The following FIP1L1 variants were observed in gnomAD, a reference collection of about 807,000 sequenced individuals.
The protein encoded by FIP1L1 is pre-mRNA 3'-end-processing factor FIP1.
FIP1L1 carries 21 observed loss-of-function variants against 84.6 expected under a neutral mutation model. The observed-to-expected ratio is 0.25, with a 90% confidence interval of 0.18 to 0.36. The LOEUF is 0.36. Ranked by LOEUF, FIP1L1 falls within the 10% of genes least tolerant of loss-of-function variation. FIP1L1 has a pLI of 1.00. For synonymous variants in FIP1L1, 263 were observed against 242.3 expected, an observed-to-expected ratio of 1.09 and a Z score of -0.80; for missense variants, 526 against 751.1, an observed-to-expected ratio of 0.70 and a Z score of 3.50.
chr4:53,459,404 G>A lies in FIP1L1; in HGVS notation c.1740G>A (p.Glu580=), dbSNP rs1460991429. ...RSKEGKEAGS[E]PAPEQESTEA... ...AAGAAGGAAAAGAAGCGGGCAGTGA[G>A]CCTGCCCCTGAACAGGAGAGCACCG... Residue 580 remains glutamate (E), a synonymous_variant, in exon 18 of 18, where the codon GAG becomes GAA. Coordinates refer to ENST00000337488, the MANE Select transcript of FIP1L1 (RefSeq NM_030917.4). 6.2e-6 allele frequency: 10 copies of A among 1,612,390 alleles called. No homozygotes were observed. In the South Asian group the frequency reaches 9.9e-5, roughly 16 times the overall value.
At position 53,418,526 on chromosome 4, in the gene FIP1L1, C is replaced by T. The variant is rs185922634; in HGVS notation, c.923+3804C>T. 2.1e-3 allele frequency among the ~76,000 whole-genome samples: 322 copies of T among 152,206 alleles called. 3 individuals carry two copies. Among genetic ancestry groups the T allele is most frequent in the Middle Eastern group, 6.8e-3 (2 of 294 alleles). ...AATCAAATTTTTAACTCTTGTGAAA[C>T]TAATTAGAAGAGTGAAGCAGTTTCA... On this transcript the variant is annotated intron_variant, in intron 11 of 17. Coordinates refer to ENST00000337488, the MANE Select transcript of FIP1L1 (RefSeq NM_030917.4).
At chr4:53,437,693 G>A (rs1770022671) in intron 13 of FIP1L1, among the ~76,000 whole-genome samples, 1 of 150,470 alleles carries the variant, frequency 6.6e-6, no homozygotes, top group Admixed American at 6.6e-5. Context: ...GCATGTTCAA[G>A]GTAGTTTTTA....
chr4:53,415,364 A>G (rs751762706), intron 11 of FIP1L1, among the ~76,000 whole-genome samples: 3 of 152,174 alleles, frequency 2.0e-5, no homozygotes, highest in Non-Finnish European at 4.4e-5. Context: ...AAGGGATGCA[A>G]TGAGAAACAA....
chr4:53,421,526 C>G (rs1762428243), intron 11 of FIP1L1, among the ~76,000 whole-genome samples: 1 of 152,188 alleles, frequency 6.6e-6, no homozygotes, highest in Non-Finnish European at 1.5e-5. Flanking sequence ...CCATGCAGAA[C>G]TGTTTACAGC....
intron 10 of FIP1L1, among the ~76,000 whole-genome samples, chr4:53,410,248 G>A (rs941165999): frequency 5.9e-5 from 9 of 152,148 alleles, no homozygotes; most frequent in South Asian, 2.1e-4. Flanking sequence ...TTTGATTTTC[G>A]GTCAGCTTAT....
At chr4:53,427,998 CT>C (rs1461582039) in intron 12 of FIP1L1, 28 bp from the exon 13 acceptor site, 1 of 1,507,580 alleles carries the variant, frequency 6.6e-7, no homozygotes. Context: ...ATTTATGCAT[CT>C]GTTTAATTAA....
chr4:53,393,450 G>A (rs57616867), intron 9 of FIP1L1, among the ~76,000 whole-genome samples: 19,786 of 152,154 alleles, frequency 0.13, 2,569 homozygotes, highest in African/African-American at 0.32. Flanking sequence ...TAGTACACAT[G>A]AACCCTTAGG....
chr4:53,445,813 C>T (rs182644146), intron 15 of FIP1L1, among the ~76,000 whole-genome samples: 275 of 152,126 alleles, frequency 1.8e-3, no homozygotes, highest in Non-Finnish European at 2.6e-3. Flanking sequence ...TTAGGGAGGG[C>T]GGGAAGCTTT....
At chr4:53,381,548 ATATAACAGT>A (rs1737883805) in intron 3 of FIP1L1, among the ~76,000 whole-genome samples, 1 of 152,148 alleles carries the variant, frequency 6.6e-6, no homozygotes, top group Non-Finnish European at 1.5e-5. Flanking sequence ...AACAATGAAA[ATATAACAGT>A]TATGTTTTGA....
At chr4:53,405,257 A>T (rs1267494823) in intron 10 of FIP1L1, among the ~76,000 whole-genome samples, 2 of 152,048 alleles carry the variant, frequency 1.3e-5, no homozygotes, top group East Asian at 1.9e-4. Flanking sequence ...ACCATTTATT[A>T]AATAGGGAAT....
intron 9 of FIP1L1, among the ~76,000 whole-genome samples, chr4:53,395,860 A>G (rs1343250066): frequency 2.6e-5 from 4 of 151,904 alleles, no homozygotes; most frequent in African/African-American, 9.7e-5. Context: ...ATGAGCACTC[A>G]TCTTGTGGAT....
intron 13 of FIP1L1, among the ~76,000 whole-genome samples, chr4:53,439,009 G>GT (rs1280685356): frequency 6.6e-6 from 1 of 152,034 alleles, no homozygotes; most frequent in East Asian, 1.9e-4. Flanking sequence ...TTACAAATCT[G>GT]TATCTTATAA....
In FIP1L1 at chr4:53,428,160, C is replaced by G; in HGVS notation, c.1151C>G (p.Ala384Gly). Reference protein sequence around the residue: ...FLPPPPTVSTAPPLIPPPGFP... With the variant: ...FLPPPPTVSTGPPLIPPPGFP... The stretch of plus-strand genomic sequence containing the variant: ...CCACCTCCTCCGACTGTCAGCACTG[C>G]TCCACCTCTGATTCCACCACCGGGT... The change falls in exon 13 of 18, where the codon GCT becomes GGT. Residue 384 changes from alanine (A) to glycine (G), a missense_variant. Ala to Gly is a moderately conservative substitution (Grantham distance 60). Coordinates refer to ENST00000337488, the MANE Select transcript of FIP1L1 (RefSeq NM_030917.4). The G allele has an allele frequency of 1.3e-6, 2 of 1,592,036 alleles. No homozygotes were observed. Among genetic ancestry groups the G allele is most frequent in the Non-Finnish European group, 1.7e-6 (2 of 1,165,724 alleles).
chr4:53,392,737 A>AG (rs748717582), intron 9 of FIP1L1, among the ~76,000 whole-genome samples: 2 of 152,218 alleles, frequency 1.3e-5, no homozygotes, highest in South Asian at 2.1e-4. Context: ...AGAAACTCCT[A>AG]GGGGTCAGTC....
intron 4 of FIP1L1, 75 bp from the exon 5 acceptor site, chr4:53,383,698 C>CT: frequency 7.3e-7 from 1 of 1,369,686 alleles, no homozygotes; most frequent in Non-Finnish European, 9.8e-7. Context: ...AGGGTGGTTA[C>CT]TTTTTTTAGT....
intron 3 of FIP1L1, among the ~76,000 whole-genome samples, chr4:53,381,019 T>A (rs766731125): frequency 5.4e-4 from 83 of 152,330 alleles, no homozygotes; most frequent in Middle Eastern, 3.4e-3. Flanking sequence ...ACCTTCTACC[T>A]TCCCTGAGTG....
intron 5 of FIP1L1, among the ~76,000 whole-genome samples, chr4:53,385,829 C>T (rs1292753405): frequency 2.0e-5 from 3 of 152,000 alleles, no homozygotes; most frequent in East Asian, 3.9e-4. Flanking sequence ...TTATGCATTT[C>T]GAAAGTAAAG....
intron 10 of FIP1L1, among the ~76,000 whole-genome samples, chr4:53,403,599 C>T (rs1751418381): frequency 6.6e-6 from 1 of 152,142 alleles, no homozygotes. Context: ...AGTGTTTTCC[C>T]TGCAAAAAGT....
At position 53,445,320 on chromosome 4, in the gene FIP1L1, T is replaced by G. The variant is rs1579076428; in HGVS notation, c.1285+1217T>G. On this transcript the variant is annotated intron_variant, in intron 15 of 17. Coordinates refer to ENST00000337488, the MANE Select transcript of FIP1L1 (RefSeq NM_030917.4). ...AAAGGTGGGGTTGGCCTTCTTGGAT[T>G]GGAACAGCAATAAGAAGTTGTGGAA... Among the ~76,000 whole-genome samples the G allele has an allele frequency of 2.0e-5, 3 of 152,166 alleles. No homozygotes were observed. The South Asian group carries it at 6.2e-4, about 32-fold the overall frequency.
Sources: allele counts gnomAD v4.1 joint callset (sites outside exome capture counted in the v4.1 genomes callset), GRCh38; gene constraint gnomAD v4.1.1; transcripts MANE v1.5; gene names NCBI Gene and HGNC (gene_info 2026-07-23, HGNC 2026-07-21).